The following TJP2 variants were observed in gnomAD, a reference collection of about 807,000 sequenced individuals.
TJP2 encodes tight junction protein 2, also known as Friedreich ataxia region gene X104 (tight junction protein ZO-2).
A neutral mutation model predicts 133.1 loss-of-function variants in TJP2; 91 were observed. That is an observed-to-expected ratio of 0.68 (90% CI 0.58 to 0.81). TJP2 has a LOEUF of 0.81. TJP2 is among the 40% of genes least tolerant of loss of function. TJP2 has a pLI of 0.00. For missense variants in TJP2, 1,541 were observed against 1,565.6 expected (o/e 0.98, Z 0.26); for synonymous variants, 592 against 583.4 (o/e 1.01, Z -0.21).
intron 11 of TJP2, among the ~76,000 whole-genome samples, chr9:69,230,568 CTG>C (rs1829696895): frequency 6.6e-6 from 1 of 152,166 alleles, no homozygotes; most frequent in Non-Finnish European, 1.5e-5. Context: ...GCTTTTTTCA[CTG>C]TGTTCCCCCT....
At chr9:69,244,184 GA>G (rs35047206) in intron 17 of TJP2, among the ~76,000 whole-genome samples, 6,367 of 58,372 alleles carry the variant, frequency 0.11, 114 homozygotes, top group Middle Eastern at 0.2. Context: ...CCTGTCTCAG[GA>G]AAAAAAAAAA....
chr9:69,186,152 C>T (rs565381297), intron 1 of TJP2, among the ~76,000 whole-genome samples: 4 of 152,210 alleles, frequency 2.6e-5, no homozygotes, highest in Non-Finnish European at 5.9e-5. Context: ...TGGAAAGAAC[C>T]GAGTTTTTCT....
chr9:69,145,757 A>C, intron 1 of TJP2: 1 of 1,232,116 alleles, frequency 8.1e-7, no homozygotes. Context: ...GTATTACCCC[A>C]CTTAACAAAA....
intron 7 of TJP2, among the ~76,000 whole-genome samples, chr9:69,226,490 T>A (rs1308153506): frequency 6.6e-6 from 1 of 152,194 alleles, no homozygotes; most frequent in East Asian, 1.9e-4. Flanking sequence ...CATTTATATA[T>A]TTGCTAATTG....
At chr9:69,230,698 CCTGAGA>C (rs1829707283) in intron 11 of TJP2, among the ~76,000 whole-genome samples, 1 of 152,032 alleles carries the variant, frequency 6.6e-6, no homozygotes, top group African/African-American at 2.4e-5. Flanking sequence ...CCTGGTTCAC[CCTGAGA>C]CTCAGGTTTC....
intron 5 of TJP2, among the ~76,000 whole-genome samples, chr9:69,224,102 AT>A (rs1563930138): frequency 6.6e-6 from 1 of 152,256 alleles, no homozygotes; most frequent in Non-Finnish European, 1.5e-5. Context: ...ATTTAAAAAT[AT>A]GCATAACTTA....
chr9:69,144,094 G>A (rs1346241679), intron 1 of TJP2, among the ~76,000 whole-genome samples: 1 of 152,048 alleles, frequency 6.6e-6, no homozygotes, highest in Non-Finnish European at 1.5e-5. Context: ...CCTCGAACTT[G>A]TGGGCTCAAG....
intron 2 of TJP2, among the ~76,000 whole-genome samples, chr9:69,161,314 C>T (rs933782836): frequency 1.4e-4 from 21 of 152,054 alleles, no homozygotes; most frequent in African/African-American, 4.6e-4. Context: ...CCGCAACCTC[C>T]GCCTCCTGGG....
At chr9:69,248,865 G>C in intron 19 of TJP2, 1 of 993,048 alleles carries the variant, frequency 1.0e-6, no homozygotes, top group Non-Finnish European at 1.2e-6. Context: ...AATGATCTTT[G>C]AAGATGGGAT....
chr9:69,252,645 C>T (rs886376108), intron 21 of TJP2, among the ~76,000 whole-genome samples, 170 bp from the exon 22 acceptor site: 8 of 152,072 alleles, frequency 5.3e-5, no homozygotes, highest in East Asian at 1.9e-4. Flanking sequence ...TGACGTGTAC[C>T]GCACATAACC....
At chr9:69,210,380 G>A (rs1028270195) in intron 1 of TJP2, among the ~76,000 whole-genome samples, 8 of 143,048 alleles carry the variant, frequency 5.6e-5, no homozygotes, top group Non-Finnish European at 1.2e-4. Flanking sequence ...ATCTCTAGAT[G>A]TATTAAAAAG....
chr9:69,252,269 A>G (rs1831393860), intron 21 of TJP2, among the ~76,000 whole-genome samples: 1 of 152,196 alleles, frequency 6.6e-6, no homozygotes, highest in African/African-American at 2.4e-5. Flanking sequence ...TGCTAGGATT[A>G]CAATCATGAG....
In TJP2 at chr9:69,226,109, T is replaced by A; in HGVS notation, c.1144T>A (p.Leu382Met). 1.2e-6 allele frequency: 2 copies of A among 1,614,144 alleles called. No homozygotes were observed. Among genetic ancestry groups the A allele is most frequent in the Non-Finnish European group, 1.7e-6 (2 of 1,180,026 alleles). ...KSRGKLQLVV[L>M]RDSQQTLINI... Reference sequence around the variant, plus strand: ...AAGAGGAAAACTACAGCTAGTGGTGTTGAGAGACAGCCAGCAGACCCTCAT... The same window carrying A: ...AAGAGGAAAACTACAGCTAGTGGTGATGAGAGACAGCCAGCAGACCCTCAT... The change falls in exon 7 of 23, where the codon TTG becomes ATG. Residue 382 changes from leucine (L) to methionine (M), a missense_variant. By Grantham distance (15) the Leu-to-Met change is conservative (BLOSUM62 2). Coordinates refer to ENST00000377245, the MANE Select transcript of TJP2 (RefSeq NM_004817.4).
At position 69,154,365 on chromosome 9, in the gene TJP2, C is replaced by G. The variant is rs181672455; in HGVS notation, c.-10+2594C>G. On this transcript the variant is annotated intron_variant, in intron 2 of 5. Coordinates refer to the TJP2 transcript ENST00000423935. ...TGGAGCAGGTGTCTGCCAAACCGCT[C>G]TGGACCTGAGGTTTCTAATCATCAG... 3.5e-3 allele frequency among the ~76,000 whole-genome samples: 538 copies of G among 152,302 alleles called. 5 individuals are homozygous for G. Among genetic ancestry groups the G allele is most frequent in the African/African-American group, 0.012 (498 of 41,576 alleles).
chr9:69,205,132 G>A lies in TJP2; in HGVS notation c.61-7416G>A, dbSNP rs117931408. On this transcript the variant is annotated intron_variant, in intron 1 of 22. Coordinates refer to ENST00000377245, the MANE Select transcript of TJP2 (RefSeq NM_004817.4). ...TGGGTGAGCAGCCCGGAATGTAGGC[G>A]GTGGCCTGGCCCATGCATCTCCAGA... The A allele has an allele frequency of 3.2e-4, 488 of 1,536,642 alleles. 1 individual carries two copies. The East Asian group carries it at 0.01, about 32-fold the overall frequency.
exon 1 of TJP2, chr9:69,121,623 C>G (rs1476628192): frequency 6.5e-6 from 1 of 152,876 alleles, no homozygotes; most frequent in East Asian, 1.9e-4. Context: ...GGGACACCAG[C>G]CCAGCAGCTA....
At position 69,220,865 on chromosome 9, in the gene TJP2, ACT is replaced by A. The variant is rs757223903; in HGVS notation, c.343-21_343-20del. On this transcript the variant is annotated intron_variant, in intron 4 of 22. Transcript: ENST00000377245. ...TCAGTTGTGATTGTCCTGCGTCCAC[ACT>A]GAGTTTGTTTTGACAACAGGTGGTC... 6 of 1,610,552 alleles carry A rather than the reference ACT, an allele frequency of 3.7e-6. No individual in the cohort carries two copies. Among genetic ancestry groups the A allele is most frequent in the Non-Finnish European group, 5.1e-6 (6 of 1,178,684 alleles).
At chr9:69,140,587 G>T (rs1822977518) in intron 1 of TJP2, among the ~76,000 whole-genome samples, 1 of 152,132 alleles carries the variant, frequency 6.6e-6, no homozygotes, top group African/African-American at 2.4e-5. Flanking sequence ...CTGATGTGAG[G>T]GGTGTTCCTT....
At chr9:69,193,604 A>T (rs1826352500) in intron 1 of TJP2, among the ~76,000 whole-genome samples, 1 of 146,882 alleles carries the variant, frequency 6.8e-6, no homozygotes, top group Non-Finnish European at 1.5e-5. Flanking sequence ...AGTTTATGTG[A>T]TAATGGCATA....
Sources: gnomAD v4.1 joint callset for allele counts (sites outside exome capture counted in the v4.1 genomes callset) on GRCh38, gnomAD v4.1.1 for gene constraint, MANE v1.5 for transcripts, NCBI Gene and HGNC (gene_info 2026-07-23, HGNC 2026-07-21) for gene names.